Variants in CCDC3 observed in about 807,000 individuals in gnomAD.
CCDC3 encodes coiled-coil domain-containing protein 3.
A neutral mutation model predicts 21.4 loss-of-function variants in CCDC3; 24 were observed. The observed-to-expected ratio is 1.12, with a 90% confidence interval of 0.81 to 1.58. The LOEUF (loss-of-function observed/expected upper bound fraction) is 1.58. Ranked by LOEUF, CCDC3 falls within the 40% of genes most tolerant of loss-of-function variation. CCDC3 has a pLI of 0.00. For synonymous variants in CCDC3, 186 were observed against 166.0 expected, an observed-to-expected ratio of 1.12 and a Z score of -0.93; for missense variants, 425 against 360.9, an observed-to-expected ratio of 1.18 and a Z score of -1.44.
chr10:13,001,045 G>A, intron 1 of CCDC3, 152 bp downstream of exon 1: 1 of 970,624 alleles, frequency 1.0e-6, no homozygotes, highest in South Asian at 1.7e-5. Flanking sequence ...GAGCAAGAAA[G>A]ATCCAAGAAG....
intron 2 of CCDC3, among the ~76,000 whole-genome samples, chr10:12,930,533 T>C (rs996808913): frequency 6.6e-6 from 1 of 152,320 alleles, no homozygotes; most frequent in East Asian, 1.9e-4. Context: ...CACAATAGTC[T>C]TCTTTGTGCA....
chr10:13,015,183 T>C (rs1241408832), intron 5 of CCDC3, among the ~76,000 whole-genome samples: 2 of 152,088 alleles, frequency 1.3e-5, no homozygotes, highest in Non-Finnish European at 2.9e-5. Context: ...CTTTGTTTCA[T>C]AAATATGATT....
At chr10:12,964,944 G>A (rs925663384) in intron 2 of CCDC3, among the ~76,000 whole-genome samples, 2 of 152,202 alleles carry the variant, frequency 1.3e-5, no homozygotes, top group Non-Finnish European at 2.9e-5. Flanking sequence ...CATGCAGACA[G>A]TGGCTTTCTC....
chr10:12,915,083 C>G (rs1394041644), intron 2 of CCDC3, among the ~76,000 whole-genome samples: 1 of 151,928 alleles, frequency 6.6e-6, no homozygotes, highest in East Asian at 1.9e-4. Context: ...AAATTTTTTT[C>G]TTTGACCCAT....
At chr10:13,038,209 G>A (rs11591271) in intron 5 of CCDC3, among the ~76,000 whole-genome samples, 224 of 152,154 alleles carry the variant, frequency 1.5e-3, no homozygotes, top group Non-Finnish European at 2.8e-3. Context: ...CCTATCAGAG[G>A]GTGGAGGGTG....
intron 2 of CCDC3, among the ~76,000 whole-genome samples, chr10:12,992,319 G>A (rs1283275036): frequency 6.6e-6 from 1 of 152,134 alleles, no homozygotes; most frequent in Non-Finnish European, 1.5e-5. Flanking sequence ...GAACCTCACT[G>A]CGGAGGTTGC....
chr10:12,922,936 A>G (rs1056253479), intron 2 of CCDC3, among the ~76,000 whole-genome samples: 1 of 152,238 alleles, frequency 6.6e-6, no homozygotes, highest in Admixed American at 6.5e-5. Flanking sequence ...GACATTGGCC[A>G]AATGTTCAGT....
intron 2 of CCDC3, among the ~76,000 whole-genome samples, chr10:12,986,491 T>TA (rs1220293193): frequency 6.6e-6 from 1 of 152,190 alleles, no homozygotes; most frequent in African/African-American, 2.4e-5. Context: ...GTAATCCCTG[T>TA]AGGCCGGGCA....
At chr10:13,033,525 A>G (rs1430058835) in intron 5 of CCDC3, among the ~76,000 whole-genome samples, 1 of 152,224 alleles carries the variant, frequency 6.6e-6, no homozygotes, top group African/African-American at 2.4e-5. Context: ...TCTGCACAGC[A>G]AAAGAAACTA....
intron 2 of CCDC3, among the ~76,000 whole-genome samples, chr10:12,926,694 A>G (rs1198396789): frequency 6.6e-6 from 1 of 152,232 alleles, no homozygotes; most frequent in Non-Finnish European, 1.5e-5. Context: ...GTTTACATAT[A>G]CAGGCACAAA....
intron 1 of CCDC3, among the ~76,000 whole-genome samples, chr10:13,000,204 T>TTTAC (rs754937269): frequency 6.6e-6 from 1 of 152,212 alleles, no homozygotes; most frequent in Non-Finnish European, 1.5e-5. Flanking sequence ...AGTGGATTAA[T>TTTAC]TTACTATCTT....
At chr10:12,913,400 A>G (rs1405980499) in intron 2 of CCDC3, among the ~76,000 whole-genome samples, 1 of 152,242 alleles carries the variant, frequency 6.6e-6, no homozygotes. Flanking sequence ...GTTAGTGCAT[A>G]GAAATACTAC....
intron 2 of CCDC3, among the ~76,000 whole-genome samples, chr10:12,908,800 C>G (rs1177822205): frequency 6.6e-6 from 1 of 152,046 alleles, no homozygotes; most frequent in African/African-American, 2.4e-5. Flanking sequence ...ACTGTGTTGG[C>G]CAGGCTGGTT....
At chr10:12,904,711 G>A (rs1001371942) in intron 2 of CCDC3, among the ~76,000 whole-genome samples, 16 of 152,162 alleles carry the variant, frequency 1.1e-4, no homozygotes, top group African/African-American at 3.4e-4. Context: ...TGGTTTCTCC[G>A]GGAAGCTCAG....
At chr10:12,913,714 G>T (rs1212226604) in intron 2 of CCDC3, among the ~76,000 whole-genome samples, 3 of 152,174 alleles carry the variant, frequency 2.0e-5, no homozygotes, top group Non-Finnish European at 4.4e-5. Flanking sequence ...GTTAGCTGTG[G>T]GTTTGTCTTA....
chr10:12,978,799 A>G (rs563038938), intron 2 of CCDC3, among the ~76,000 whole-genome samples: 1 of 152,330 alleles, frequency 6.6e-6, no homozygotes, highest in African/African-American at 2.4e-5. Context: ...TAACTAATTT[A>G]GAAAGGACCT....
intron 2 of CCDC3, among the ~76,000 whole-genome samples, chr10:12,929,759 C>G (rs1163253070): frequency 6.6e-6 from 1 of 152,158 alleles, no homozygotes; most frequent in African/African-American, 2.4e-5. Flanking sequence ...TGGTCATTAC[C>G]TCTTGAGACT....
chr10:13,082,543 A>G (rs969978758), intron 3 of CCDC3, among the ~76,000 whole-genome samples: 15 of 152,200 alleles, frequency 9.9e-5, no homozygotes, highest in African/African-American at 3.4e-4. Context: ...GCCTTCCACA[A>G]GAGGTGGTGG....
intron 2 of CCDC3, among the ~76,000 whole-genome samples, chr10:12,955,659 C>A (rs374446207): frequency 6.6e-6 from 1 of 152,004 alleles, no homozygotes; most frequent in African/African-American, 2.4e-5. Flanking sequence ...CTCAGGTGAT[C>A]CTCCCACCTC....
Sources: gnomAD v4.1 joint callset for allele counts (sites outside exome capture counted in the v4.1 genomes callset) on GRCh38, gnomAD v4.1.1 for gene constraint, MANE v1.5 for transcripts, NCBI Gene and HGNC (gene_info 2026-07-23, HGNC 2026-07-21) for gene names.